The following SLTM variants were observed in gnomAD, a reference collection of about 807,000 sequenced individuals.
The protein encoded by SLTM is SAFB like transcription modulator.
SLTM carries 43 observed loss-of-function variants against 134.6 expected under a neutral mutation model. The observed-to-expected ratio is 0.32, with a 90% CI of 0.25 to 0.41. The LOEUF (loss-of-function observed/expected upper bound fraction) is 0.41. SLTM is among the 10% of genes least tolerant of loss of function. SLTM has a pLI of 1.00. For missense variants in SLTM, 1,055 were observed against 1,288.8 expected, an observed-to-expected ratio of 0.82 and a Z score of 2.78; for synonymous variants, 424 against 432.3, an observed-to-expected ratio of 0.98 and a Z score of 0.24.
At chr15:58,898,576 G>A (rs373941911) in intron 8 of SLTM, 3 of 416,576 alleles carry the variant, frequency 7.2e-6, no homozygotes, top group Non-Finnish European at 1.3e-5. Flanking sequence ...CTAGCTAATG[G>A]GTTTTTAACG....
chr15:58,887,095 C>T lies in SLTM; in HGVS notation c.2715G>A (p.Gly905=). 6.2e-7 allele frequency: 1 copy of T among 1,614,096 alleles called. No homozygotes were observed. The highest frequency in any genetic ancestry group is 8.5e-7 in the Non-Finnish European group (1 of 1,180,012). ...TCACACTGTGCCCTGATACTTCTCT[C>T]CCAGATCGTTCTGGCCTTTCAACTC... ...ETRVERPERS[G]REVSGHSVRG... Residue 905 remains glycine (G), a synonymous_variant, in exon 19 of 21, where the codon GGG becomes GGA. Coordinates refer to ENST00000380516, the MANE Select transcript of SLTM (RefSeq NM_024755.4).
Position 58,890,145 on chromosome 15 carries a change from T to C in SLTM, c.2079+136A>G, listed in dbSNP as rs1038272509. ...ACTAGTACCTAATTCACTGTTATCT[T>C]TCAGGGACACTTAAAAGCTCCTTAG... On this transcript the variant is annotated intron_variant, in intron 15 of 20. Coordinates refer to ENST00000380516, the MANE Select transcript of SLTM (RefSeq NM_024755.4). 10 of 936,438 alleles carry C rather than the reference T, an allele frequency of 1.1e-5. 1 individual carries two copies. The Admixed American group carries it at 2.5e-4, about 23-fold the overall frequency. The allele number at this position is 936,438 out of a possible 1,614,324, so 58.0% of individuals were successfully genotyped here.
At chr15:58,924,971 C>T (rs1021165581) in intron 2 of SLTM, among the ~76,000 whole-genome samples, 2 of 151,690 alleles carry the variant, frequency 1.3e-5, no homozygotes, top group East Asian at 1.9e-4. Flanking sequence ...AGGCGTGAGC[C>T]ACTGCTCCCA....
chr15:58,894,257 T>C (rs1240232580), intron 10 of SLTM, 64 bp from the exon 11 acceptor site: 1 of 1,441,510 alleles, frequency 6.9e-7, no homozygotes, highest in African/African-American at 1.4e-5. Context: ...TTATAAGAAG[T>C]GTGCTAATGG....
intron 2 of SLTM, among the ~76,000 whole-genome samples, chr15:58,924,202 G>A (rs913928985): frequency 6.6e-6 from 1 of 152,168 alleles, no homozygotes; most frequent in East Asian, 1.9e-4. Context: ...AAAAATGAAA[G>A]CAAGATTAAC....
intron 3 of SLTM, 46 bp from the exon 4 acceptor site, chr15:58,913,742 T>C (rs1372463292): frequency 1.3e-6 from 2 of 1,495,404 alleles, no homozygotes; most frequent in East Asian, 2.3e-5. Context: ...CAAAGTAGTG[T>C]GGGCTATCCA....
intron 2 of SLTM, among the ~76,000 whole-genome samples, chr15:58,924,253 T>C (rs1297396174): frequency 6.6e-6 from 1 of 152,210 alleles, no homozygotes; most frequent in Non-Finnish European, 1.5e-5. Flanking sequence ...CATAGCTATT[T>C]TGAAATGACA....
intron 1 of SLTM, 30 bp from the exon 2 acceptor site, chr15:58,932,473 C>T: frequency 7.0e-7 from 1 of 1,437,134 alleles, no homozygotes; most frequent in South Asian, 1.1e-5. Context: ...TAATATGCTA[C>T]ACAATCTATC....
intron 14 of SLTM, among the ~76,000 whole-genome samples, chr15:58,892,591 C>G (rs1374426473): frequency 6.6e-6 from 1 of 152,200 alleles, no homozygotes; most frequent in Non-Finnish European, 1.5e-5. Flanking sequence ...AGTCCCGACT[C>G]TGCCACTTGT....
intron 20 of SLTM, among the ~76,000 whole-genome samples, chr15:58,881,163 C>T (rs1179995634): frequency 1.3e-5 from 2 of 151,862 alleles, no homozygotes; most frequent in South Asian, 2.1e-4. Flanking sequence ...CAATGCACCC[C>T]AGCCTGGGTG....
At position 58,933,520 on chromosome 15, in the gene SLTM, G is replaced by C. The variant is rs746300827; in HGVS notation, c.46C>G (p.Gln16Glu). ...TCGGTGATCTTTTTACCTTCCGCCT[G>C]ACCCGAGGCGGCCGAGGCTGCCACC... Reference protein sequence around the residue: ...GAVAASAASGQAEGKKITDLR... With the variant: ...GAVAASAASGEAEGKKITDLR... The change falls in exon 1 of 21, where the codon CAG (glutamine) becomes GAG (glutamate). Residue 16 changes from glutamine (Q) to glutamate (E), a missense_variant. By Grantham distance (29) the Gln-to-Glu change is conservative (BLOSUM62 2). Transcript: ENST00000380516. 1.3e-6 allele frequency: 2 copies of C among 1,596,626 alleles called. No individual in the cohort carries two copies. Among genetic ancestry groups the C allele is most frequent in the East Asian group, 2.3e-5 (1 of 42,820 alleles).
At position 58,915,067 on chromosome 15, in the gene SLTM, G is replaced by A. The variant is rs768231433; in HGVS notation, c.316-1371C>T. Among the ~76,000 whole-genome samples, 10 of 151,930 alleles carry A rather than the reference G, an allele frequency of 6.6e-5. No individual in the cohort carries two copies. The South Asian group carries it at 1.0e-3, about 16-fold the overall frequency. On this transcript the variant is annotated intron_variant, in intron 3 of 20. Transcript: ENST00000380516. ...TTAGCCGGGCCTGGTGCGGTAAGCC[G>A]GTAATCCCAGCTACTTGGGAGGCTG... is the stretch of plus-strand genomic sequence containing the variant.
chr15:58,911,561 C>G (rs2036269209), intron 5 of SLTM, among the ~76,000 whole-genome samples: 1 of 152,084 alleles, frequency 6.6e-6, no homozygotes, highest in Non-Finnish European at 1.5e-5. Context: ...CAGATCAAAA[C>G]CACCAAACCC....
At chr15:58,929,312 G>A (rs2037703283) in intron 2 of SLTM, among the ~76,000 whole-genome samples, 2 of 152,084 alleles carry the variant, frequency 1.3e-5, no homozygotes, top group African/African-American at 4.8e-5. Flanking sequence ...GTTTGGAGTG[G>A]TGGCGCATGC....
At chr15:58,881,219 A>G (rs1461553013) in intron 20 of SLTM, among the ~76,000 whole-genome samples, 1 of 152,076 alleles carries the variant, frequency 6.6e-6, no homozygotes, top group Non-Finnish European at 1.5e-5. Flanking sequence ...TTAACAAACC[A>G]GGAGATAAAA....
At position 58,893,906 on chromosome 15, in the gene SLTM, T is replaced by C; in HGVS notation, c.1563A>G (p.Ile521Met). The C allele has an allele frequency of 6.2e-7, 1 of 1,613,296 alleles. No individual in the cohort carries two copies. Among genetic ancestry groups the C allele is most frequent in the Non-Finnish European group, 8.5e-7 (1 of 1,179,842 alleles). ...TATCATTCTTCTCATCTTTACCTTC[T>C]ATTTTCTTAGTATCCTTGCTTTCTT... ...EKKESKDTKK[I>M]EGKDEKNDNG... is the part of the protein sequence containing the mutation. The change falls in exon 12 of 21, where the codon ATA becomes ATG. Residue 521 changes from isoleucine to methionine, a missense_variant. Coordinates refer to ENST00000380516, the MANE Select transcript of SLTM (RefSeq NM_024755.4).
chr15:58,929,254 A>G (rs1172129389), intron 2 of SLTM, among the ~76,000 whole-genome samples: 8 of 152,148 alleles, frequency 5.3e-5, no homozygotes, highest in Admixed American at 2.6e-4. Flanking sequence ...AGTTCAAGAC[A>G]AGCCTGACCA....
At chr15:58,921,776 T>C (rs1173614404) in intron 2 of SLTM, among the ~76,000 whole-genome samples, 1 of 151,952 alleles carries the variant, frequency 6.6e-6, no homozygotes. Context: ...AACTTCTTTT[T>C]TTCTTTTTTT....
At chr15:58,918,439 T>C (rs2036797597) in intron 2 of SLTM, among the ~76,000 whole-genome samples, 1 of 152,196 alleles carries the variant, frequency 6.6e-6, no homozygotes, top group Admixed American at 6.5e-5. Flanking sequence ...AGCTCCTATC[T>C]GTCATCTACT....
Sources: gnomAD v4.1 joint callset for allele counts (sites outside exome capture counted in the v4.1 genomes callset) on GRCh38, gnomAD v4.1.1 for gene constraint, MANE v1.5 for transcripts, NCBI Gene and HGNC (gene_info 2026-07-23, HGNC 2026-07-21) for gene names.